Variants in NXPH1 observed in about 807,000 individuals in gnomAD.
The protein encoded by NXPH1 is neurexophilin-1.
A neutral mutation model predicts 23.7 loss-of-function variants in NXPH1; 5 were observed. The observed-to-expected ratio is 0.21, with a 90% CI of 0.11 to 0.44. NXPH1 has a LOEUF of 0.44. Ranked by LOEUF, NXPH1 falls within the 20% of genes least tolerant of loss-of-function variation. NXPH1 has a pLI of 0.99. For synonymous variants in NXPH1, 144 were observed against 122.2 expected, an observed-to-expected ratio of 1.18 and a Z score of -1.18; for missense variants, 324 against 321.6, an observed-to-expected ratio of 1.01 and a Z score of -0.06.
At chr7:8,748,518 G>A (rs779671031) in intron 2 of NXPH1, among the ~76,000 whole-genome samples, 11 of 152,202 alleles carry the variant, frequency 7.2e-5, no homozygotes, top group South Asian at 2.1e-4. Flanking sequence ...AGGCTGGTCC[G>A]TGTTTCTCTT....
At chr7:8,619,789 A>T (rs571262207) in intron 2 of NXPH1, among the ~76,000 whole-genome samples, 3 of 152,166 alleles carry the variant, frequency 2.0e-5, no homozygotes, top group Non-Finnish European at 4.4e-5. Flanking sequence ...TAATACCATT[A>T]TTTCATATGA....
At chr7:8,696,871 C>T (rs563120495) in intron 2 of NXPH1, among the ~76,000 whole-genome samples, 3 of 145,870 alleles carry the variant, frequency 2.1e-5, no homozygotes, top group South Asian at 4.4e-4. Flanking sequence ...AGGCCGGGCA[C>T]AGTAGCTCAT....
intron 2 of NXPH1, among the ~76,000 whole-genome samples, chr7:8,742,162 A>G (rs1211620056): frequency 6.6e-6 from 1 of 152,158 alleles, no homozygotes; most frequent in African/African-American, 2.4e-5. Context: ...AAGGAATACT[A>G]TATCCATGTA....
At chr7:8,584,075 T>C (rs1343196712) in intron 2 of NXPH1, among the ~76,000 whole-genome samples, 1 of 152,228 alleles carries the variant, frequency 6.6e-6, no homozygotes, top group Non-Finnish European at 1.5e-5. Flanking sequence ...TTCTGTGTAC[T>C]TTACAGATAT....
At chr7:8,665,757 TA>T (rs1207885229) in intron 2 of NXPH1, among the ~76,000 whole-genome samples, 2 of 145,772 alleles carry the variant, frequency 1.4e-5, no homozygotes, top group African/African-American at 5.0e-5. Flanking sequence ...TAAAGTATTT[TA>T]TTTTTTGGTA....
At chr7:8,561,572 C>G (rs1335047797) in intron 2 of NXPH1, among the ~76,000 whole-genome samples, 1 of 151,532 alleles carries the variant, frequency 6.6e-6, no homozygotes, top group Non-Finnish European at 1.5e-5. Context: ...TAAAATGGGT[C>G]GAGTCACATG....
intron 2 of NXPH1, among the ~76,000 whole-genome samples, chr7:8,632,968 T>C (rs1217619733): frequency 6.6e-6 from 1 of 152,224 alleles, no homozygotes; most frequent in Non-Finnish European, 1.5e-5. Flanking sequence ...CACAAGAGTA[T>C]GGATGATTCT....
chr7:8,519,403 G>T (rs902937034), intron 2 of NXPH1, among the ~76,000 whole-genome samples: 6 of 152,114 alleles, frequency 3.9e-5, no homozygotes, highest in Non-Finnish European at 8.8e-5. Flanking sequence ...TAGCCATGTT[G>T]TTTGATTTAG....
At chr7:8,548,646 G>A (rs182855071) in intron 2 of NXPH1, among the ~76,000 whole-genome samples, 161 of 151,630 alleles carry the variant, frequency 1.1e-3, no homozygotes, top group African/African-American at 3.6e-3. Context: ...GTATTATACA[G>A]GGGTTGATAG....
chr7:8,715,285 C>T (rs1779859001), intron 2 of NXPH1, among the ~76,000 whole-genome samples: 1 of 152,198 alleles, frequency 6.6e-6, no homozygotes, highest in African/African-American at 2.4e-5. Context: ...CTCCATACCA[C>T]ATGGCGAACT....
intron 2 of NXPH1, among the ~76,000 whole-genome samples, chr7:8,551,309 T>A (rs1272556213): frequency 6.6e-6 from 1 of 151,530 alleles, no homozygotes; most frequent in Non-Finnish European, 1.5e-5. Context: ...TTTGCTACTG[T>A]ATGTTGTGAT....
intron 2 of NXPH1, among the ~76,000 whole-genome samples, chr7:8,724,558 C>A (rs1780018955): frequency 6.6e-6 from 1 of 152,144 alleles, no homozygotes; most frequent in Non-Finnish European, 1.5e-5. Context: ...TTCATCCAAC[C>A]TCTCTATTGT....
chr7:8,618,223 G>T (rs1262289184), intron 2 of NXPH1, among the ~76,000 whole-genome samples: 8 of 152,016 alleles, frequency 5.3e-5, no homozygotes, highest in Non-Finnish European at 1.5e-5. Context: ...GGGCATTTTG[G>T]GATCTATTTT....
chr7:8,578,262 T>A (rs1304388032), intron 2 of NXPH1, among the ~76,000 whole-genome samples: 1 of 152,180 alleles, frequency 6.6e-6, no homozygotes, highest in African/African-American at 2.4e-5. Flanking sequence ...TACTGTAAGA[T>A]GAAAAGGTCA....
At chr7:8,460,530 T>A (rs948569078) in intron 2 of NXPH1, among the ~76,000 whole-genome samples, 10 of 152,218 alleles carry the variant, frequency 6.6e-5, no homozygotes, top group African/African-American at 2.4e-4. Context: ...TTTGTTTAGT[T>A]AGTAATAGAA....
intron 2 of NXPH1, among the ~76,000 whole-genome samples, chr7:8,749,338 A>G (rs1378664486): frequency 2.0e-5 from 3 of 152,240 alleles, no homozygotes; most frequent in Admixed American, 1.3e-4. Context: ...TAACTTGACC[A>G]GGGGCACACA....
intron 2 of NXPH1, among the ~76,000 whole-genome samples, chr7:8,630,261 A>G (rs1317257116): frequency 1.3e-5 from 2 of 152,154 alleles, no homozygotes; most frequent in African/African-American, 4.8e-5. Flanking sequence ...TAATAATTAA[A>G]TTATTATTGA....
chr7:8,708,364 A>T (rs1014321163), intron 2 of NXPH1, among the ~76,000 whole-genome samples: 4 of 151,606 alleles, frequency 2.6e-5, no homozygotes, highest in African/African-American at 4.8e-5. Context: ...ATTTTTTTAA[A>T]TTTTTTTGGT....
intron 2 of NXPH1, among the ~76,000 whole-genome samples, chr7:8,641,233 A>G (rs1820304390): frequency 6.6e-6 from 1 of 152,182 alleles, no homozygotes; most frequent in South Asian, 2.1e-4. Flanking sequence ...ATCCCTACCA[A>G]GTATTTGTTT....
Sources: gnomAD v4.1 joint callset for allele counts (sites outside exome capture counted in the v4.1 genomes callset) on GRCh38, gnomAD v4.1.1 for gene constraint, MANE v1.5 for transcripts, NCBI Gene and HGNC (gene_info 2026-07-23, HGNC 2026-07-21) for gene names.